The following TENM4 variants were observed in gnomAD, a reference collection of about 807,000 sequenced individuals.
TENM4 encodes teneurin-4.
In TENM4, 82 loss-of-function variants were observed where a neutral mutation model predicts 243.3. The observed-to-expected ratio is 0.34, with a 90% CI of 0.28 to 0.40. The LOEUF is 0.40. TENM4 is among the 10% of genes least tolerant of loss of function. The probability of loss-of-function intolerance (pLI) is 1.00; values close to 1 mark genes in which losing one functional copy is unlikely to be tolerated. For missense variants in TENM4, 3,138 were observed against 3,673.3 expected (o/e 0.85, Z 3.77); for synonymous variants, 1,412 against 1,456.3 (o/e 0.97, Z 0.69).
At chr11:78,778,750 A>G (rs1172649265) in intron 16 of TENM4, 122 bp from the exon 17 acceptor site, 4 of 801,190 alleles carry the variant, frequency 5.0e-6, no homozygotes, top group Admixed American at 5.0e-5. Context: ...GGACAGGCCT[A>G]TGCCATGGTG....
intron 8 of TENM4, among the ~76,000 whole-genome samples, chr11:78,891,007 G>A (rs543107482): frequency 7.3e-4 from 111 of 152,314 alleles, no homozygotes; most frequent in South Asian, 1.5e-3. Flanking sequence ...GAATGGCAAC[G>A]GCAGCCAATG....
chr11:78,886,311 T>C (rs1284906004), intron 9 of TENM4, among the ~76,000 whole-genome samples: 1 of 152,252 alleles, frequency 6.6e-6, no homozygotes, highest in Admixed American at 6.5e-5. Context: ...TAGGGATATT[T>C]GTGCTCAGCT....
chr11:79,375,038 G>C (rs1259228868), intron 1 of TENM4, among the ~76,000 whole-genome samples: 1 of 152,118 alleles, frequency 6.6e-6, no homozygotes, highest in Non-Finnish European at 1.5e-5. Context: ...GAGAGAGAGG[G>C]ATTTCAAATA....
chr11:79,326,727 C>T (rs1856981176), intron 1 of TENM4, among the ~76,000 whole-genome samples: 1 of 152,156 alleles, frequency 6.6e-6, no homozygotes, highest in Non-Finnish European at 1.5e-5. Context: ...ACTCAGTTCC[C>T]ATTTAACTGA....
chr11:79,099,006 A>G (rs1861154518), intron 4 of TENM4, among the ~76,000 whole-genome samples: 2 of 152,334 alleles, frequency 1.3e-5, no homozygotes, highest in South Asian at 4.1e-4. Context: ...ATGGCTTTGC[A>G]AACTGTTTAA....
chr11:79,029,336 C>A (rs947580203), intron 6 of TENM4, among the ~76,000 whole-genome samples: 1 of 152,188 alleles, frequency 6.6e-6, no homozygotes, highest in African/African-American at 2.4e-5. Flanking sequence ...GCTAGATTCA[C>A]CTGCTTTCAA....
intron 28 of TENM4, among the ~76,000 whole-genome samples, chr11:78,694,581 C>G (rs1014688595): frequency 2.6e-5 from 4 of 152,220 alleles, no homozygotes; most frequent in African/African-American, 9.6e-5. Flanking sequence ...TCAGGCAGAT[C>G]TGGGGCTGAA....
intron 4 of TENM4, among the ~76,000 whole-genome samples, chr11:79,075,342 T>C (rs1038210533): frequency 8.5e-5 from 13 of 152,184 alleles, no homozygotes; most frequent in African/African-American, 3.1e-4. Flanking sequence ...CTGACAGTGA[T>C]AGAATGAGCT....
At chr11:79,364,022 C>A (rs1194759421) in intron 1 of TENM4, among the ~76,000 whole-genome samples, 1 of 152,180 alleles carries the variant, frequency 6.6e-6, no homozygotes, top group Non-Finnish European at 1.5e-5. Context: ...GAGCTGTTGG[C>A]TGTCACCTTC....
At chr11:79,216,486 G>A (rs1340269436) in intron 2 of TENM4, among the ~76,000 whole-genome samples, 2 of 152,238 alleles carry the variant, frequency 1.3e-5, no homozygotes, top group African/African-American at 2.4e-5. Flanking sequence ...TATGGTCTGA[G>A]TGTGTTCCTC....
At chr11:79,402,802 A>G (rs1457643914) in intron 1 of TENM4, among the ~76,000 whole-genome samples, 1 of 152,228 alleles carries the variant, frequency 6.6e-6, no homozygotes, top group African/African-American at 2.4e-5. Context: ...CAAAGTATGC[A>G]AACATGAAGT....
chr11:79,234,340 G>A (rs994951275), intron 2 of TENM4, among the ~76,000 whole-genome samples: 3 of 152,204 alleles, frequency 2.0e-5, no homozygotes, highest in African/African-American at 7.2e-5. Context: ...CGAAGGGAAG[G>A]TTTGGCCCTC....
At chr11:78,792,252 T>C (rs915702458) in intron 15 of TENM4, among the ~76,000 whole-genome samples, 2 of 152,122 alleles carry the variant, frequency 1.3e-5, no homozygotes, top group Non-Finnish European at 2.9e-5. Context: ...CTAGTAGTGG[T>C]CTCAAACTTT....
intron 1 of TENM4, among the ~76,000 whole-genome samples, chr11:79,404,723 A>G (rs1170610886): frequency 6.6e-6 from 1 of 152,186 alleles, no homozygotes; most frequent in Non-Finnish European, 1.5e-5. Flanking sequence ...ATATGCACAA[A>G]TGATTGGAAC....
intron 6 of TENM4, among the ~76,000 whole-genome samples, chr11:79,002,784 A>G (rs193170394): frequency 6.6e-6 from 1 of 152,344 alleles, no homozygotes; most frequent in Admixed American, 6.5e-5. Context: ...TTCCCCAGCA[A>G]TGATTCTTAA....
chr11:78,699,678 T>C (rs1367275350), intron 28 of TENM4, among the ~76,000 whole-genome samples: 1 of 152,244 alleles, frequency 6.6e-6, no homozygotes, highest in Admixed American at 6.5e-5. Flanking sequence ...CCTTCTTCAC[T>C]AAACATCAAC....
intron 4 of TENM4, among the ~76,000 whole-genome samples, chr11:79,082,352 T>C (rs891165698): frequency 2.0e-5 from 3 of 152,168 alleles, no homozygotes; most frequent in Admixed American, 6.5e-5. Flanking sequence ...GATTGTGCCC[T>C]CCTGATGCTG....
chr11:78,992,166 G>A (rs918167878), intron 6 of TENM4, among the ~76,000 whole-genome samples: 4 of 152,218 alleles, frequency 2.6e-5, no homozygotes, highest in Non-Finnish European at 4.4e-5. Flanking sequence ...ACCTGCTGGT[G>A]CACAGCAAAG....
chr11:79,306,514 C>T (rs940980291), intron 1 of TENM4, among the ~76,000 whole-genome samples: 2 of 152,080 alleles, frequency 1.3e-5, no homozygotes, highest in Admixed American at 6.5e-5. Flanking sequence ...TGAGAGAAGA[C>T]CAGGGCAAGA....
Sources: gnomAD v4.1 joint callset for allele counts (sites outside exome capture counted in the v4.1 genomes callset) on GRCh38, gnomAD v4.1.1 for gene constraint, MANE v1.5 for transcripts, NCBI Gene and HGNC (gene_info 2026-07-23, HGNC 2026-07-21) for gene names.